The following TG variants were observed in gnomAD, a reference collection of about 807,000 sequenced individuals.
The protein encoded by TG is thyroid hormones.
In TG, 270 loss-of-function variants were observed where a neutral mutation model predicts 324.7. The observed-to-expected ratio is 0.83, with a 90% CI of 0.75 to 0.92. TG has a LOEUF of 0.92. Among genes scored for constraint, TG ranks in the 40% least tolerant of loss-of-function variants. TG has a pLI of 0.00. For synonymous variants in TG, 1,401 were observed against 1,327.0 expected (o/e 1.06, Z -1.21); for missense variants, 3,591 against 3,456.4 (o/e 1.04, Z -0.98).
At chr8:132,928,718 A>T (rs1822246967) in intron 22 of TG, among the ~76,000 whole-genome samples, 1 of 152,262 alleles carries the variant, frequency 6.6e-6, no homozygotes, top group Non-Finnish European at 1.5e-5. Context: ...ACAGAAAGAA[A>T]ATGCCAGTAA....
rs140839037 is a variant in TG at position 132,877,289 on chromosome 8, G to A, written c.638+4068G>A. On this transcript the variant is annotated intron_variant, in intron 5 of 47. Transcript: ENST00000220616. ...CAAGTAGCTGGGATTACAGGCATGC[G>A]CCACCCCACATGGCTAATTTTTGTG... Among the ~76,000 whole-genome samples the A allele has an allele frequency of 4.9e-3, 745 of 152,138 alleles. 7 individuals carry two copies. Among genetic ancestry groups the A allele is most frequent in the African/African-American group, 0.017 (702 of 41,510 alleles).
intron 27 of TG, among the ~76,000 whole-genome samples, chr8:132,950,817 A>G (rs952282965): frequency 6.6e-6 from 1 of 152,226 alleles, no homozygotes; most frequent in African/African-American, 2.4e-5. Flanking sequence ...CAATAAAAAA[A>G]TAAGGATAAT....
chr8:132,907,831 T>C (rs139872339), intron 17 of TG, among the ~76,000 whole-genome samples: 1 of 152,150 alleles, frequency 6.6e-6, no homozygotes. Flanking sequence ...AGAATACCAT[T>C]CATTCCCATC....
chr8:132,986,961 G>T (rs1831636179), intron 35 of TG, among the ~76,000 whole-genome samples: 1 of 151,970 alleles, frequency 6.6e-6, no homozygotes, highest in African/African-American at 2.4e-5. Flanking sequence ...TATTGTTAAA[G>T]ATGCATAAAC....
chr8:132,897,826 C>T (rs1363303932), intron 12 of TG, 40 bp downstream of exon 12: 3 of 1,612,498 alleles, frequency 1.9e-6, no homozygotes, highest in Non-Finnish European at 2.5e-6. Context: ...CAAGTGACAC[C>T]CCTTTTTTAT....
intron 41 of TG, among the ~76,000 whole-genome samples, chr8:133,031,238 C>T (rs768943698): frequency 6.6e-6 from 1 of 152,154 alleles, no homozygotes; most frequent in Non-Finnish European, 1.5e-5. Context: ...ATGTGTCTGG[C>T]TTATTTCCCT....
In TG at chr8:133,134,348, G is replaced by A. The variant is rs192083093; in HGVS notation, c.8189-328G>A. Among the ~76,000 whole-genome samples, 20 of 152,268 alleles carry A rather than the reference G, an allele frequency of 1.3e-4. No individual in the cohort carries two copies. In the East Asian group the frequency reaches 3.5e-3, roughly 26 times the overall value. The stretch of plus-strand genomic sequence containing the variant: ...CTGGGCTGTGGTTTTTAGAATGACA[G>A]GAGTTTTTCAGATACAGAGAAATGG... On this transcript the variant is annotated intron_variant, in intron 47 of 47. Transcript: ENST00000220616.
intron 41 of TG, among the ~76,000 whole-genome samples, chr8:133,031,037 G>A (rs1407549073): frequency 6.6e-6 from 1 of 152,124 alleles, no homozygotes; most frequent in Non-Finnish European, 1.5e-5. Context: ...CCGTTCATTG[G>A]GATTAAGTAC....
chr8:133,017,892 A>C lies in TG; in HGVS notation c.6677A>C (p.Asp2226Ala). The C allele has an allele frequency of 6.2e-7, 1 of 1,614,182 alleles. No individual in the cohort carries two copies. Among genetic ancestry groups the C allele is most frequent in the Non-Finnish European group, 8.5e-7 (1 of 1,180,028 alleles). Residue 2226 changes from aspartate (D) to alanine (A), a missense_variant, in exon 38 of 48, where the codon GAC becomes GCC. Asp to Ala is a moderately radical substitution (Grantham distance 126). Coordinates refer to ENST00000220616, the MANE Select transcript of TG (RefSeq NM_003235.5). ...GTGGGTACCTCATGGAAGCAAGTGGACCAGTTCCTTGGAGTTCCATATGCT... is the reference window on the plus strand; with the variant it reads ...GTGGGTACCTCATGGAAGCAAGTGGCCCAGTTCCTTGGAGTTCCATATGCT... ...IQVGTSWKQVDQFLGVPYAAP... is the reference protein window; with the variant it reads ...IQVGTSWKQVAQFLGVPYAAP...
chr8:133,013,825 T>A, intron 37 of TG, 61 bp downstream of exon 37: 1 of 1,564,848 alleles, frequency 6.4e-7, no homozygotes, highest in Non-Finnish European at 8.6e-7. Context: ...GAAGGGACTA[T>A]TTAAACACTT....
rs1384925951 is a variant in TG, at chr8:132,969,503, T to A, written c.5909T>A (p.Phe1970Tyr). The change falls in exon 32 of 48, where the codon TTC becomes TAC. Residue 1970 changes from phenylalanine to tyrosine, a missense_variant. By Grantham distance (22) the Phe-to-Tyr change is conservative (BLOSUM62 3). Coordinates refer to ENST00000220616, the MANE Select transcript of TG (RefSeq NM_003235.5). ...KVKNFYTRLP[F>Y]QKLMGISIRN... The stretch of plus-strand genomic sequence containing the variant: ...AAGAACTTTTACACTCGCCTGCCGT[T>A]CCAAAAACTGATGGGGATATCCATT... The A allele has an allele frequency of 6.2e-7, 1 of 1,613,904 alleles. No homozygotes were observed. The highest frequency in any genetic ancestry group is 8.5e-7 in the Non-Finnish European group (1 of 1,179,940).
intron 29 of TG, chr8:132,964,907 C>T (rs1249256429): frequency 1.4e-6 from 1 of 702,106 alleles, no homozygotes; most frequent in Non-Finnish European, 2.6e-6. Flanking sequence ...TCGGAGGAGG[C>T]CAGAAGGATC....
chr8:133,115,177 C>G (rs1238956214), intron 44 of TG, among the ~76,000 whole-genome samples: 1 of 152,126 alleles, frequency 6.6e-6, no homozygotes, highest in African/African-American at 2.4e-5. Context: ...GGACAACCTG[C>G]GTGCTGGGGT....
intron 32 of TG, among the ~76,000 whole-genome samples, chr8:132,971,200 GA>G (rs1829471711): frequency 6.6e-6 from 1 of 152,200 alleles, no homozygotes; most frequent in African/African-American, 2.4e-5. Flanking sequence ...TTATTGAGTG[GA>G]TAAGAAGGTC....
chr8:132,968,354 A>T (rs1024248550), intron 31 of TG, among the ~76,000 whole-genome samples: 13 of 152,248 alleles, frequency 8.5e-5, no homozygotes, highest in Non-Finnish European at 1.9e-4. Flanking sequence ...AATAGAAAAT[A>T]ATCCTCTCCT....
At chr8:133,039,209 C>A (rs1037853689) in intron 41 of TG, among the ~76,000 whole-genome samples, 18 of 152,312 alleles carry the variant, frequency 1.2e-4, no homozygotes, top group Middle Eastern at 3.4e-3. Context: ...TTACCCTAAC[C>A]TATTACTCTA....
chr8:133,065,080 A>G (rs2245562), intron 41 of TG, among the ~76,000 whole-genome samples: 121,743 of 152,208 alleles, frequency 0.8, 48,864 homozygotes, highest in Admixed American at 0.85. Context: ...CCATTCATAT[A>G]ACCTTCTTCT....
At chr8:132,995,698 G>A (rs1832810331) in intron 35 of TG, among the ~76,000 whole-genome samples, 1 of 152,130 alleles carries the variant, frequency 6.6e-6, no homozygotes, top group East Asian at 1.9e-4. Context: ...CCACTTGTTA[G>A]GAGTCAAACT....
intron 35 of TG, chr8:133,001,837 G>A (rs998498026): frequency 1.0e-5 from 10 of 985,438 alleles, no homozygotes; most frequent in East Asian, 1.1e-4. Flanking sequence ...AGAATGTCAC[G>A]GTTTACCCCA....
Sources: gnomAD v4.1 joint callset for allele counts (sites outside exome capture counted in the v4.1 genomes callset) on GRCh38, gnomAD v4.1.1 for gene constraint, MANE v1.5 for transcripts, NCBI Gene and HGNC (gene_info 2026-07-23, HGNC 2026-07-21) for gene names.